Variants in TRERF1 observed in about 807,000 individuals in gnomAD.
TRERF1 encodes the protein transcriptional regulating factor 1, also known as transcriptional-regulating factor 1.
Under a neutral mutation model 122.9 loss-of-function variants are expected in TRERF1, and 27 were observed. The ratio of observed to expected loss-of-function variants is 0.22; its 90% CI spans 0.16 to 0.30. The LOEUF (loss-of-function observed/expected upper bound fraction) is 0.30, where lower values mean the gene tolerates loss of function less well. Among genes scored for constraint, TRERF1 ranks in the 10% least tolerant of loss-of-function variants. The pLI is 1.00. For synonymous variants in TRERF1, 636 were observed against 641.7 expected, an observed-to-expected ratio of 0.99 and a Z score of 0.13; for missense variants, 1,248 against 1,560.3, an observed-to-expected ratio of 0.80 and a Z score of 3.37.
chr6:42,294,220 C>G (rs957917797), intron 4 of TRERF1, among the ~76,000 whole-genome samples: 2 of 133,722 alleles, frequency 1.5e-5, no homozygotes, highest in African/African-American at 5.8e-5. Context: ...CTCGCTCTGT[C>G]TCCTGGGCTG....
intron 3 of TRERF1, among the ~76,000 whole-genome samples, chr6:42,351,581 A>C (rs1250865869): frequency 6.6e-6 from 1 of 152,212 alleles, no homozygotes; most frequent in African/African-American, 2.4e-5. Flanking sequence ...TTATAAATAC[A>C]GTATCTTCTG....
At chr6:42,356,638 A>T (rs979544311) in intron 3 of TRERF1, among the ~76,000 whole-genome samples, 20 of 152,204 alleles carry the variant, frequency 1.3e-4, no homozygotes, top group Non-Finnish European at 2.9e-4. Flanking sequence ...GCAGTGGCAC[A>T]GTCTCGGCTC....
chr6:42,359,149 C>T (rs548574613), intron 3 of TRERF1, among the ~76,000 whole-genome samples: 5 of 152,274 alleles, frequency 3.3e-5, no homozygotes, highest in South Asian at 2.1e-4. Flanking sequence ...CTCTCCGCAC[C>T]GTTAATCTGG....
intron 4 of TRERF1, among the ~76,000 whole-genome samples, chr6:42,285,361 A>G (rs35874038): frequency 0.026 from 3,926 of 151,962 alleles, 13 homozygotes; most frequent in Non-Finnish European, 0.035. Context: ...GAAGTTGCTT[A>G]TCAGCTTAAG....
At chr6:42,439,143 GTTT>G (rs1786017450) in intron 2 of TRERF1, among the ~76,000 whole-genome samples, 2 of 152,202 alleles carry the variant, frequency 1.3e-5, no homozygotes, top group Non-Finnish European at 2.9e-5. Context: ...TTGCCCCTGT[GTTT>G]CCAACACTTT....
chr6:42,270,232 C>T (rs932105038), intron 4 of TRERF1, among the ~76,000 whole-genome samples: 6 of 152,140 alleles, frequency 3.9e-5, no homozygotes, highest in African/African-American at 1.2e-4. Flanking sequence ...ACAGGAGACT[C>T]GATTAGAAAT....
intron 3 of TRERF1, among the ~76,000 whole-genome samples, chr6:42,337,203 G>A (rs1008872241): frequency 2.0e-5 from 3 of 152,198 alleles, no homozygotes; most frequent in African/African-American, 7.2e-5. Flanking sequence ...AAGGACAATG[G>A]GTAGGGGCCA....
intron 4 of TRERF1, among the ~76,000 whole-genome samples, chr6:42,273,163 TTC>T (rs61437083): frequency 0.052 from 7,941 of 152,134 alleles, 272 homozygotes; most frequent in African/African-American, 0.099. Flanking sequence ...TTCTTATATG[TTC>T]TCATAAAACC....
At chr6:42,323,488 C>T (rs1209244825) in intron 3 of TRERF1, among the ~76,000 whole-genome samples, 1 of 152,184 alleles carries the variant, frequency 6.6e-6, no homozygotes, top group South Asian at 2.1e-4. Flanking sequence ...TGAGCCACCG[C>T]GCCTGGCCTC....
chr6:42,421,536 G>A (rs1376831177), intron 2 of TRERF1, among the ~76,000 whole-genome samples: 1 of 152,064 alleles, frequency 6.6e-6, no homozygotes, highest in African/African-American at 2.4e-5. Flanking sequence ...CACTTTGGGA[G>A]GCTGAGGCAG....
intron 2 of TRERF1, among the ~76,000 whole-genome samples, chr6:42,417,819 T>C (rs1009259128): frequency 9.9e-5 from 15 of 152,192 alleles, no homozygotes; most frequent in Admixed American, 7.9e-4. Context: ...CAGTCTATGA[T>C]GCCAGACTTG....
rs1423897033 is a variant in TRERF1 at position 42,393,549 on chromosome 6, T to G, written c.-453-30470A>C. 6.6e-6 allele frequency among the ~76,000 whole-genome samples: 1 copy of G among 152,244 alleles called. No homozygotes were observed. The highest frequency in any genetic ancestry group is 2.4e-5 in the African/African-American group (1 of 41,470). ...AAAGGTCACGGGAGTGTGCAAGGCC[T>G]GGCAAAACCTGAAACTAATGCAACC... is the stretch of plus-strand genomic sequence containing the variant. On this transcript the variant is annotated intron_variant, in intron 2 of 17. Coordinates refer to ENST00000372922, the Ensembl canonical transcript of TRERF1. This position sits in a 1 kb window ranked among gnomAD's most constrained non-coding sequence, Gnocchi z 4.1.
At position 42,275,272 on chromosome 6, in the gene TRERF1, T is replaced by G. The variant is rs1033113938; in HGVS notation, c.-258-5424A>C. Among the ~76,000 whole-genome samples, 1 of 152,274 alleles carries G rather than the reference T, an allele frequency of 6.6e-6. No individual in the cohort carries two copies. The highest frequency in any genetic ancestry group is 6.5e-5 in the Admixed American group (1 of 15,290). ...GCTCATTATGTGTAACAATTTCTAC[T>G]GGGTAATTTGTACCAGGAGCTTTTT... On this transcript the variant is annotated intron_variant, in intron 4 of 17. Transcript: ENST00000372922. The surrounding 1 kb of genome is among the most constrained non-coding windows in gnomAD (Gnocchi z 4.1).
At chr6:42,367,214 C>A (rs979241927) in intron 2 of TRERF1, among the ~76,000 whole-genome samples, 1 of 152,148 alleles carries the variant, frequency 6.6e-6, no homozygotes. Flanking sequence ...CTCCCCTCCC[C>A]CTTTCCAGCC....
chr6:42,317,236 T>C (rs1453623816), intron 3 of TRERF1, among the ~76,000 whole-genome samples: 1 of 152,072 alleles, frequency 6.6e-6, no homozygotes, highest in Non-Finnish European at 1.5e-5. Context: ...CTTAAACTGT[T>C]TGTCTACTAC....
intron 4 of TRERF1, among the ~76,000 whole-genome samples, chr6:42,298,910 A>G (rs1470544487): frequency 6.6e-6 from 1 of 152,116 alleles, no homozygotes; most frequent in East Asian, 1.9e-4. Flanking sequence ...ACTGTACTTC[A>G]GACTGGGAAA....
chr6:42,334,030 T>C (rs567135874), intron 3 of TRERF1, among the ~76,000 whole-genome samples: 2 of 150,268 alleles, frequency 1.3e-5, no homozygotes, highest in East Asian at 3.9e-4. Flanking sequence ...CACACACGTA[T>C]GTACACATAT....
intron 3 of TRERF1, among the ~76,000 whole-genome samples, chr6:42,347,771 A>G (rs1768600964): frequency 6.6e-6 from 1 of 152,238 alleles, no homozygotes; most frequent in Non-Finnish European, 1.5e-5. Context: ...CAATTCGCAA[A>G]CCACCAGGTA....
At position 42,263,617 on chromosome 6, in the gene TRERF1, A is replaced by G. The variant is rs1778648623; in HGVS notation, c.1636-49T>C. The G allele has an allele frequency of 1.4e-6, 2 of 1,439,234 alleles. No individual in the cohort carries two copies. The highest frequency in any genetic ancestry group is 1.7e-5 in the South Asian group (1 of 60,390). 89.2% of individuals were successfully genotyped at this position (1,439,234 alleles called of 1,614,324 possible). On this transcript the variant is annotated intron_variant, in intron 7 of 17. Transcript: ENST00000372922. The surrounding 1 kb of genome is among the most constrained non-coding windows in gnomAD (Gnocchi z 5.6). Reference sequence around the variant, plus strand: ...ATCCTGGGCTGAGAGCAGCTCTCACAAGGGGGATGCACTTTGCTTTTCCCG... The same window carrying G: ...ATCCTGGGCTGAGAGCAGCTCTCACGAGGGGGATGCACTTTGCTTTTCCCG...
Sources: gnomAD v4.1 joint callset for allele counts (sites outside exome capture counted in the v4.1 genomes callset) on GRCh38, gnomAD v4.1.1 for gene constraint, Gnocchi (gnomAD v3.1) non-coding constraint, MANE v1.5 for transcripts, NCBI Gene and HGNC (gene_info 2026-07-23, HGNC 2026-07-21) for gene names.